Variants in MYOM3 observed in about 807,000 individuals in gnomAD.
The protein encoded by MYOM3 is myomesin-3.
Under a neutral mutation model 191.7 loss-of-function variants are expected in MYOM3, and 155 were observed. The ratio of observed to expected loss-of-function variants is 0.81; its 90% CI spans 0.71 to 0.92. The LOEUF (loss-of-function observed/expected upper bound fraction) is 0.92, where lower values mean the gene tolerates loss of function less well. Among genes scored for constraint, MYOM3 ranks in the 40% least tolerant of loss-of-function variants. The probability of loss-of-function intolerance (pLI) is 0.00; values close to 1 mark genes in which losing one functional copy is unlikely to be tolerated. For missense variants in MYOM3, 1,889 were observed against 1,890.6 expected (o/e 1.00, Z 0.02); for synonymous variants, 757 against 762.9 (o/e 0.99, Z 0.13).
At position 24,074,144 on chromosome 1, in the gene MYOM3, G is replaced by C. The variant is rs769666879; in HGVS notation, c.2968+16C>G. ...TCTCTCTGGGGAGGTGGCAGGGAGC[G>C]GGGTAGGTGCATTACCTTCCTCGGT... On this transcript the variant is annotated intron_variant, in intron 23 of 36. Coordinates refer to ENST00000374434, the MANE Select transcript of MYOM3 (RefSeq NM_152372.4). The C allele has an allele frequency of 1.6e-5, 25 of 1,594,720 alleles. 1 individual carries two copies. The highest frequency in any genetic ancestry group is 1.0e-4 in the Admixed American group (6 of 59,728).
rs1482579228 is a variant in MYOM3 at position 24,094,864 on chromosome 1, C to G, written c.917G>C (p.Trp306Ser). The change falls in exon 9 of 37, where the codon TGG becomes TCG. Residue 306 changes from tryptophan to serine, a missense_variant. Trp to Ser is a radical substitution (Grantham distance 177). Transcript: ENST00000374434. The part of the protein sequence containing the change: ...EDVLDAESIQ[W>S]FRDGSLLRSS... ...CTGGGGGTCCTTACCATCTCGGAAC[C>G]ACTGGATGCTCTCAGCATCTAACAC... is the stretch of plus-strand genomic sequence containing the variant. 1 of 1,612,728 alleles carries G rather than the reference C, an allele frequency of 6.2e-7. No individual in the cohort carries two copies. The highest frequency in any genetic ancestry group is 1.3e-5 in the African/African-American group (1 of 74,916).
Position 24,057,642 on chromosome 1 carries a change from A to C in MYOM3, c.4051-15T>G, listed in dbSNP as rs577385872. 2 of 1,612,048 alleles carry C rather than the reference A, an allele frequency of 1.2e-6. No individual in the cohort carries two copies. Among genetic ancestry groups the C allele is most frequent in the African/African-American group, 2.7e-5 (2 of 75,006 alleles). On this transcript the variant is annotated splice_polypyrimidine_tract_variant and intron_variant, in intron 36 of 36. Transcript: ENST00000374434. Reference sequence around the variant, plus strand: ...AAGCACAGGGTCTGTTTGAAAAGACAGGAAGGGAACAGTCTCACCTCCTTG... The same window carrying C: ...AAGCACAGGGTCTGTTTGAAAAGACCGGAAGGGAACAGTCTCACCTCCTTG...
At chr1:24,071,057 C>T (rs1332406645) in intron 25 of MYOM3, 60 bp downstream of exon 25, 1 of 1,586,028 alleles carries the variant, frequency 6.3e-7, no homozygotes, top group Non-Finnish European at 8.6e-7. Context: ...AATCACCATC[C>T]CGCGAGGCCA....
intron 14 of MYOM3, 95 bp downstream of exon 14, chr1:24,089,443 A>G: frequency 7.0e-7 from 1 of 1,429,228 alleles, no homozygotes; most frequent in Non-Finnish European, 9.2e-7. Flanking sequence ...ATTCTCTTTC[A>G]TTCTCTGACG....
chr1:24,084,375 T>C (rs1311484819), intron 16 of MYOM3, 93 bp downstream of exon 16: 1 of 1,436,754 alleles, frequency 7.0e-7, no homozygotes, highest in Non-Finnish European at 9.8e-7. Context: ...TGTGAGCTGA[T>C]TAAACCTCTT....
At chr1:24,086,976 C>T in intron 14 of MYOM3, 149 bp from the exon 15 acceptor site, 2 of 747,788 alleles carry the variant, frequency 2.7e-6, no homozygotes, top group Non-Finnish European at 4.3e-6. Flanking sequence ...GGCTCTGCCC[C>T]ATCTGCCTCC....
chr1:24,086,848 A>T, intron 14 of MYOM3, 21 bp from the exon 15 acceptor site: 8 of 1,611,080 alleles, frequency 5.0e-6, no homozygotes, highest in Non-Finnish European at 6.8e-6. Context: ...AGAGGGACTC[A>T]CATTGGCTAA....
chr1:24,084,823 C>T (rs913784007), intron 15 of MYOM3, among the ~76,000 whole-genome samples, 184 bp from the exon 16 acceptor site: 2 of 152,104 alleles, frequency 1.3e-5, no homozygotes, highest in Non-Finnish European at 2.9e-5. Context: ...CCTAAAAGTC[C>T]TCTCTCCCCT....
rs575208826 is a variant in MYOM3, at chr1:24,063,233, G to A, written c.3663C>T (p.Ala1221=). 3.0e-5 allele frequency: 48 copies of A among 1,612,700 alleles called. No individual in the cohort carries two copies. In the South Asian group the frequency reaches 5.1e-4, roughly 17 times the overall value. The stretch of plus-strand genomic sequence containing the variant: ...GGATTTTCAGTGGAGTTGCAGAGAG[G>A]GCTGGGGAGACAGAGGAGAAGGATG... The part of the protein sequence containing the change: ...AIFTELGRIG[A]LSATPLKIQG... The change falls in exon 32 of 37, where the codon GCC becomes GCT. Residue 1221 remains alanine (A), a splice_region_variant and synonymous_variant. Coordinates refer to ENST00000374434, the MANE Select transcript of MYOM3 (RefSeq NM_152372.4). The surrounding 1 kb of genome is among the most constrained non-coding windows in gnomAD (Gnocchi z 4.5).
At chr1:24,085,081 A>G (rs555962786) in intron 15 of MYOM3, among the ~76,000 whole-genome samples, 129 of 151,014 alleles carry the variant, frequency 8.5e-4, no homozygotes, top group Non-Finnish European at 1.6e-3. Context: ...TGGTTGAATG[A>G]ATGGATGGAT....
intron 8 of MYOM3, 57 bp downstream of exon 8, chr1:24,095,385 C>T (rs11249143): frequency 0.38 from 570,908 of 1,518,120 alleles, 112,451 homozygotes; most frequent in Non-Finnish European, 0.4. Flanking sequence ...CTGTGGGGGT[C>T]GGGGAGCAAA....
intron 27 of MYOM3, among the ~76,000 whole-genome samples, chr1:24,067,438 CCTTCCTTTGTT>C (rs1643464227): frequency 1.3e-5 from 1 of 75,086 alleles, no homozygotes; most frequent in Non-Finnish European, 2.5e-5. Flanking sequence ...TTCCTTCCTT[CCTTCCTTTGTT>C]TCCTTCCTTC....
chr1:24,110,160 C>T (rs1047752666), intron 1 of MYOM3, among the ~76,000 whole-genome samples: 3 of 152,192 alleles, frequency 2.0e-5, no homozygotes, highest in Non-Finnish European at 2.9e-5. Context: ...ATGGCTTTCA[C>T]ACCTCCTCCA....
intron 19 of MYOM3, 38 bp downstream of exon 19, chr1:24,081,292 A>G: frequency 6.2e-7 from 1 of 1,609,580 alleles, no homozygotes; most frequent in Non-Finnish European, 8.5e-7. Context: ...GAAGGAGGGA[A>G]GGGCAGGCAC....
chr1:24,106,146 T>C, intron 4 of MYOM3, 69 bp from the exon 5 acceptor site: 1 of 1,483,298 alleles, frequency 6.7e-7, no homozygotes, highest in South Asian at 1.3e-5. Flanking sequence ...TGCCATTACC[T>C]CCCCACTGAC....
At chr1:24,099,917 G>C in intron 5 of MYOM3, 142 bp from the exon 6 acceptor site, 1 of 644,298 alleles carries the variant, frequency 1.6e-6, no homozygotes, top group Non-Finnish European at 2.8e-6. Flanking sequence ...ACCCAGGCTG[G>C]AGCGCAGTAG....
In MYOM3 at chr1:24,099,738, G is replaced by T; in HGVS notation, c.598C>A (p.Arg200Ser). ...TTGGTGATTCGGTATTTTCCGGCACGAAAGAGGCGGGGATCAATCCGTGTG... is the reference window on the plus strand; with the variant it reads ...TTGGTGATTCGGTATTTTCCGGCACTAAAGAGGCGGGGATCAATCCGTGTG... ...NDTRIDPRLF[R>S]AGKYRITNNY... Residue 200 changes from arginine (R) to serine (S), a missense_variant, in exon 6 of 37, where the codon CGT becomes AGT. Arg to Ser is a moderately radical substitution (Grantham distance 110). Transcript: ENST00000374434. 2.5e-6 allele frequency: 4 copies of T among 1,614,094 alleles called. No homozygotes were observed. Among genetic ancestry groups the T allele is most frequent in the South Asian group, 1.1e-5 (1 of 91,070 alleles).
Position 24,086,780 on chromosome 1 carries a change from A to C in MYOM3, c.1662T>G (p.Pro554=), listed in dbSNP as rs374113393. Residue 554 remains proline (P), a synonymous_variant, in exon 15 of 37, where the codon CCT becomes CCG. Transcript: ENST00000374434. The stretch of plus-strand genomic sequence containing the variant: ...GAACGGCGAATCTCGGGGATCTCAC[A>C]GGGCTTTCCGAGCTGATGGCCTCCC... The part of the protein sequence containing the change: ...GTWEAISSES[P]VRSPRFAVLD... 1 of 1,614,134 alleles carries C rather than the reference A, an allele frequency of 6.2e-7. No individual in the cohort carries two copies. The highest frequency in any genetic ancestry group is 2.2e-5 in the East Asian group (1 of 44,854).
chr1:24,090,939 A>G lies in MYOM3; in HGVS notation c.1290T>C (p.Cys430=), dbSNP rs1347733427. 1.2e-6 allele frequency: 2 copies of G among 1,613,966 alleles called. No individual in the cohort carries two copies. Among genetic ancestry groups the G allele is most frequent in the East Asian group, 2.2e-5 (1 of 44,882 alleles). The part of the protein sequence containing the change: ...IACHEAPGGT[C]RCPIQGLVEG... ...CGACGAGGCCTTGGATTGGGCACCGACAAGTCCCTCCGGGGGCCTCATGGC... is the reference window on the plus strand; with the variant it reads ...CGACGAGGCCTTGGATTGGGCACCGGCAAGTCCCTCCGGGGGCCTCATGGC... Residue 430 remains cysteine (C), a synonymous_variant, in exon 12 of 37, where the codon TGT becomes TGC. Transcript: ENST00000374434.
Sources: allele counts gnomAD v4.1 joint callset (sites outside exome capture counted in the v4.1 genomes callset), GRCh38; gene constraint gnomAD v4.1.1; non-coding constraint Gnocchi (gnomAD v3.1); transcripts MANE v1.5; gene names NCBI Gene and HGNC (gene_info 2026-07-23, HGNC 2026-07-21).